IGHMBP2: variants seen among roughly 807,000 people sequenced by gnomAD.
The protein encoded by IGHMBP2 is immunoglobulin mu DNA binding protein 2.
A neutral mutation model predicts 96.0 loss-of-function variants in IGHMBP2; 81 were observed. That is an observed-to-expected ratio of 0.84 (90% CI 0.71 to 1.01). The LOEUF (loss-of-function observed/expected upper bound fraction) is 1.01, where lower values mean the gene tolerates loss of function less well. Ranked by LOEUF, IGHMBP2 falls within the 50% of genes least tolerant of loss-of-function variation. The pLI, the probability that IGHMBP2 is intolerant of heterozygous loss-of-function variation, is 0.00. For missense variants in IGHMBP2, 1,227 were observed against 1,306.3 expected (o/e 0.94, Z 0.94); for synonymous variants, 557 against 548.9 (o/e 1.01, Z -0.21).
intron 8 of IGHMBP2, among the ~76,000 whole-genome samples, 191 bp downstream of exon 8, chr11:68,929,548 G>T (rs1315405726): frequency 1.3e-5 from 2 of 152,068 alleles, no homozygotes; most frequent in Non-Finnish European, 2.9e-5. Context: ...ACTCCCCGAG[G>T]GTGGGGTCGC....
intron 7 of IGHMBP2, among the ~76,000 whole-genome samples, chr11:68,924,770 C>T (rs892443559): frequency 1.1e-4 from 17 of 152,206 alleles, no homozygotes; most frequent in Non-Finnish European, 2.9e-5. Context: ...AAGCAAGTCT[C>T]AGGCCCCACC....
At position 68,935,319 on chromosome 11, in the gene IGHMBP2, C is replaced by T; in HGVS notation, c.1653C>T (p.Ser551=). ...TTCAGGTGGACCTGCTCAGACAGAG[C>T]CTTGTGCACAGGCACCCTGAGCTTG... ...YNLQVDLLRQ[S]LVHRHPELEI... Residue 551 remains serine (S), a synonymous_variant, in exon 12 of 15, where the codon AGC becomes AGT. Coordinates refer to ENST00000255078, the MANE Select transcript of IGHMBP2 (RefSeq NM_002180.3). 1.2e-6 allele frequency: 2 copies of T among 1,614,104 alleles called. No homozygotes were observed. Among genetic ancestry groups the T allele is most frequent in the Non-Finnish European group, 1.7e-6 (2 of 1,180,018 alleles).
At position 68,939,760 on chromosome 11, in the gene IGHMBP2, GCT is replaced by G. The variant is rs772003526; in HGVS notation, c.*35_*36del. 6.3e-7 allele frequency: 1 copy of G among 1,581,324 alleles called. No homozygotes were observed. The highest frequency in any genetic ancestry group is 1.9e-5 in the Admixed American group (1 of 53,962). The stretch of plus-strand genomic sequence containing the variant: ...GCCGCATCCTTGCACGCCCCGCGGA[GCT>G]CTCTCCATGGTAGCCCAGGGCGCTG... On this transcript the variant is annotated 3_prime_UTR_variant, in exon 15 of 15. Transcript: ENST00000255078.
chr11:68,939,291 C>T lies in IGHMBP2; in HGVS notation c.2785-243C>T, dbSNP rs665258. ...GGCAGTGGGAAGTGGCCGCAGGGAC[C>T]GTGTGGTCAGTCAGGGTGGTGCCAT... On this transcript the variant is annotated intron_variant, in intron 14 of 14. Coordinates refer to ENST00000255078, the MANE Select transcript of IGHMBP2 (RefSeq NM_002180.3). 0.47 allele frequency among the ~76,000 whole-genome samples: 71,770 copies of T among 151,832 alleles called. 17,775 individuals are homozygous for T. The highest frequency in any genetic ancestry group is 0.56 in the Middle Eastern group (164 of 292).
intron 4 of IGHMBP2, among the ~76,000 whole-genome samples, chr11:68,908,887 C>T (rs1193235465): frequency 6.8e-6 from 1 of 147,790 alleles, no homozygotes; most frequent in Non-Finnish European, 1.5e-5. Context: ...GTTGCCCAGG[C>T]TGGAGTGCAG....
chr11:68,936,775 C>G lies in IGHMBP2; in HGVS notation c.2295C>G (p.His765Gln), dbSNP rs149185954. 9.9e-6 allele frequency: 16 copies of G among 1,613,918 alleles called. No individual in the cohort carries two copies. The highest frequency in any genetic ancestry group is 1.4e-5 in the Non-Finnish European group (16 of 1,180,038). ...RLRVHQIAEE[H>Q]GLRHDSSGEG... ...GGGTCCACCAAATAGCCGAGGAGCA[C>G]GGGCTGAGGCACGACAGTTCCGGGG... Residue 765 changes from histidine to glutamine, a missense_variant, in exon 13 of 15, where the codon CAC becomes CAG. Physicochemically the swap from His to Gln is conservative, Grantham distance 24 (BLOSUM62 0). This residue lies in a region of IGHMBP2 where 703 missense variants were observed against 770.3 expected (regional missense o/e 0.91). Transcript: ENST00000255078.
chr11:68,933,855 C>T lies in IGHMBP2; in HGVS notation c.1479C>T (p.Thr493=), dbSNP rs370367228. 16 of 1,608,060 alleles carry T rather than the reference C, an allele frequency of 9.9e-6. No individual in the cohort carries two copies. Among genetic ancestry groups the T allele is most frequent in the East Asian group, 4.5e-5 (2 of 44,708 alleles). The part of the protein sequence containing the change: ...ETGVPLLLVD[T]AGCGLFELEE... ...GTGTGCCCCTGCTCTTGGTGGACAC[C>T]GCCGGCTGCGGGCTGTTTGAGCTGG... Residue 493 remains threonine, a synonymous_variant, in exon 10 of 15, where the codon ACC becomes ACT. Coordinates refer to ENST00000255078, the MANE Select transcript of IGHMBP2 (RefSeq NM_002180.3).
At chr11:68,938,134 G>C in intron 13 of IGHMBP2, 48 bp from the exon 14 acceptor site, 1 of 1,599,886 alleles carries the variant, frequency 6.3e-7, no homozygotes, top group Non-Finnish European at 8.6e-7. Context: ...TAAATGAGGG[G>C]CCAGGTGTTG....
chr11:68,911,929 C>T (rs761114313), intron 5 of IGHMBP2, among the ~76,000 whole-genome samples: 16 of 152,186 alleles, frequency 1.1e-4, no homozygotes, highest in Non-Finnish European at 1.8e-4. Context: ...TCCGTGTGCA[C>T]GCCCGTGCAG....
At chr11:68,920,042 C>A (rs984614922) in intron 7 of IGHMBP2, among the ~76,000 whole-genome samples, 2 of 152,216 alleles carry the variant, frequency 1.3e-5, no homozygotes, top group African/African-American at 4.8e-5. Flanking sequence ...AGCTCTGGAT[C>A]TGTTGAACAG....
Position 68,933,864 on chromosome 11 carries a change from C to T in IGHMBP2, c.1488C>T (p.Cys496=), listed in dbSNP as rs145226920. Reference sequence around the variant, plus strand: ...TGCTCTTGGTGGACACCGCCGGCTGCGGGCTGTTTGAGCTGGAGGAGGAGG... The same window carrying T: ...TGCTCTTGGTGGACACCGCCGGCTGTGGGCTGTTTGAGCTGGAGGAGGAGG... ...VPLLLVDTAG[C]GLFELEEEDE... The change falls in exon 10 of 15, where the codon TGC becomes TGT. Residue 496 remains cysteine, a synonymous_variant. Coordinates refer to ENST00000255078, the MANE Select transcript of IGHMBP2 (RefSeq NM_002180.3). 78 of 1,606,176 alleles carry T rather than the reference C, an allele frequency of 4.9e-5. No homozygotes were observed. The highest frequency in any genetic ancestry group is 1.6e-4 in the Middle Eastern group (1 of 6,074).
rs1234501804 is a variant in IGHMBP2 at position 68,924,323 on chromosome 11, GTGTT to G, written c.1061-4856_1061-4853del. 2.6e-5 allele frequency among the ~76,000 whole-genome samples: 4 copies of G among 152,336 alleles called. No homozygotes were observed. In the East Asian group the frequency reaches 5.8e-4, roughly 22 times the overall value. On this transcript the variant is annotated intron_variant, in intron 7 of 14. Coordinates refer to ENST00000255078, the MANE Select transcript of IGHMBP2 (RefSeq NM_002180.3). ...AACCACTCTTTTGGGGTTTAGGAAT[GTGTT>G]TGTGAGACCTCTGGTTTGTTCCTGT... is the stretch of plus-strand genomic sequence containing the variant.
rs1240899173 is a variant in IGHMBP2 at position 68,914,990 on chromosome 11, T to C, written c.879T>C (p.Val293=). Residue 293 remains valine, a synonymous_variant, in exon 6 of 15, where the codon GTT becomes GTC. Transcript: ENST00000255078. The part of the protein sequence containing the change: ...VLARSDSAQI[V]ADIRKDIDQV... ...CGCGGAGCGACAGTGCCCAGATTGT[T>C]GCAGATATCAGGAAGGACATCGACC... The C allele has an allele frequency of 3.7e-6, 6 of 1,614,072 alleles. No individual in the cohort carries two copies. The highest frequency in any genetic ancestry group is 5.1e-6 in the Non-Finnish European group (6 of 1,180,052).
chr11:68,906,076 C>A lies in IGHMBP2; in HGVS notation c.94C>A (p.Gln32Lys), dbSNP rs1566423140. The A allele has an allele frequency of 6.2e-7, 1 of 1,614,036 alleles. No homozygotes were observed. ...ATACCGGGTGTCTTCCAGGTCCTGGCAGGAGAACATCTCTCTGAAAGAGCT... is the reference window on the plus strand; with the variant it reads ...ATACCGGGTGTCTTCCAGGTCCTGGAAGGAGAACATCTCTCTGAAAGAGCT... ...DAEVEERRSWQENISLKELQS... is the reference protein window; with the variant it reads ...DAEVEERRSWKENISLKELQS... Residue 32 changes from glutamine (Q) to lysine (K), a missense_variant, in exon 2 of 15, where the codon CAG (glutamine) becomes AAG (lysine). By Grantham distance (53) the Gln-to-Lys change is moderately conservative. Coordinates refer to ENST00000255078, the MANE Select transcript of IGHMBP2 (RefSeq NM_002180.3).
At chr11:68,911,369 CACTCTCTGAGGAGGA>C (rs1480658339) in intron 4 of IGHMBP2, 56 bp from the exon 5 acceptor site, 1 of 1,518,542 alleles carries the variant, frequency 6.6e-7, no homozygotes, top group African/African-American at 1.4e-5. Context: ...CCGGGGCACA[CACTCTCTGAGGAGGA>C]ACACCCACAG....
chr11:68,914,924 C>A lies in IGHMBP2; in HGVS notation c.813C>A (p.Leu271=), dbSNP rs199619824. 8.1e-6 allele frequency: 13 copies of A among 1,614,208 alleles called. No homozygotes were observed. In the Admixed American group the frequency reaches 2.2e-4, roughly 27 times the overall value. Residue 271 remains leucine (L), a synonymous_variant, in exon 6 of 15, where the codon CTC becomes CTA. Coordinates refer to ENST00000255078, the MANE Select transcript of IGHMBP2 (RefSeq NM_002180.3). ...TGCGCCTGGGACACCCTGCCCGCCT[C>A]CTGGAGTCCATTCAGCAGCACTCCC... ...RILRLGHPAR[L]LESIQQHSLD...
At position 68,917,832 on chromosome 11, in the gene IGHMBP2, G is replaced by T. The variant is rs1191184476; in HGVS notation, c.1009G>T (p.Ala337Ser). Residue 337 changes from alanine (A) to serine (S), a missense_variant, in exon 7 of 15, where the codon GCT becomes TCT. Physicochemically the swap from Ala to Ser is moderately conservative, Grantham distance 99 (BLOSUM62 1). Transcript: ENST00000255078. ...RKELKEREEAAMLESLTSANV... is the reference protein window; with the variant it reads ...RKELKEREEASMLESLTSANV... ...AGAACTGAAGGAGAGGGAAGAAGCA[G>T]CTATGCTCGAGAGCCTCACTTCGGC... The T allele has an allele frequency of 6.2e-7, 1 of 1,614,152 alleles. No homozygotes were observed. Among genetic ancestry groups the T allele is most frequent in the Admixed American group, 1.7e-5 (1 of 60,024 alleles).
At position 68,929,012 on chromosome 11, in the gene IGHMBP2, TGAG is replaced by T. The variant is rs374760574; in HGVS notation, c.1061-170_1061-168del. 1.5e-4 allele frequency among the ~76,000 whole-genome samples: 23 copies of T among 152,308 alleles called. No individual in the cohort carries two copies. The East Asian group carries it at 4.0e-3, about 27-fold the overall frequency. On this transcript the variant is annotated intron_variant, in intron 7 of 14. Transcript: ENST00000255078. ...TTAAGACACAGGTGAGCTGGAACCA[TGAG>T]TTTTAAAATGTCTTGGCCAAGTTTT...
intron 7 of IGHMBP2, among the ~76,000 whole-genome samples, chr11:68,922,930 A>G (rs1051353633): frequency 2.0e-5 from 3 of 152,200 alleles, no homozygotes; most frequent in African/African-American, 7.2e-5. Context: ...ATCCAGAAAT[A>G]AGAGTCTTTT....
Sources: allele counts gnomAD v4.1 joint callset (sites outside exome capture counted in the v4.1 genomes callset), GRCh38; gene constraint gnomAD v4.1.1; regional missense constraint gnomAD v4.1.1; transcripts MANE v1.5; gene names NCBI Gene and HGNC (gene_info 2026-07-23, HGNC 2026-07-21).